RBM27: variants seen among roughly 807,000 people sequenced by gnomAD.
The protein encoded by RBM27 is RNA binding motif protein 27, also known as RNA-binding protein 27.
A neutral mutation model predicts 135.3 loss-of-function variants in RBM27; 22 were observed. The observed-to-expected ratio is 0.16, with a 90% CI of 0.12 to 0.23. The LOEUF is 0.23. Ranked by LOEUF, RBM27 falls within the 10% of genes least tolerant of loss-of-function variation. The pLI, the probability that RBM27 is intolerant of heterozygous loss-of-function variation, is 1.00. For missense variants in RBM27, 1,009 were observed against 1,281.0 expected (o/e 0.79, Z 3.24); for synonymous variants, 481 against 442.4 (o/e 1.09, Z -1.10).
chr5:146,260,594 TGAA>T, intron 11 of RBM27, 148 bp from the exon 12 acceptor site: 3 of 574,508 alleles, frequency 5.2e-6, no homozygotes, highest in Non-Finnish European at 9.1e-6. Context: ...CATATGATTT[TGAA>T]GAAGTTTTCT....
At chr5:146,267,576 T>C in intron 14 of RBM27, 73 bp from the exon 15 acceptor site, 1 of 1,028,306 alleles carries the variant, frequency 9.7e-7, no homozygotes, top group South Asian at 1.6e-5. Flanking sequence ...GCATCTTTTC[T>C]AAAAAAGTAT....
At chr5:146,217,608 T>C (rs1404971942) in intron 1 of RBM27, among the ~76,000 whole-genome samples, 2 of 151,096 alleles carry the variant, frequency 1.3e-5, no homozygotes, top group Non-Finnish European at 1.5e-5. Context: ...CCAAGTGAGC[T>C]GAAACCTTTT....
In RBM27 at chr5:146,233,613, T is replaced by C. The variant is rs1401629359; in HGVS notation, c.1014T>C (p.Gly338=). Residue 338 remains glycine (G), a synonymous_variant, in exon 7 of 21, where the codon GGT becomes GGC. Transcript: ENST00000265271. ...PPGMLMPPMP[G]PGPGPGPGPG... ...GAATGTTAATGCCTCCAATGCCAGG[T>C]CCAGGCCCAGGCCCGGGCCCAGGTC... 6.2e-7 allele frequency: 1 copy of C among 1,602,332 alleles called. No individual in the cohort carries two copies. The highest frequency in any genetic ancestry group is 8.5e-7 in the Non-Finnish European group (1 of 1,172,686).
intron 1 of RBM27, among the ~76,000 whole-genome samples, chr5:146,204,040 G>A (rs1405313004): frequency 2.0e-5 from 3 of 152,156 alleles, no homozygotes; most frequent in South Asian, 2.1e-4. Context: ...GGGGACTGGG[G>A]GGGCAGGCAA....
At chr5:146,221,602 T>A (rs559350264) in intron 2 of RBM27, among the ~76,000 whole-genome samples, 19 of 152,088 alleles carry the variant, frequency 1.2e-4, no homozygotes, top group Non-Finnish European at 2.5e-4. Flanking sequence ...CGTGGCTAAT[T>A]TTTGTATTTT....
chr5:146,204,181 T>A (rs1462102721), intron 1 of RBM27, among the ~76,000 whole-genome samples: 3 of 152,140 alleles, frequency 2.0e-5, no homozygotes, highest in Admixed American at 1.3e-4. Flanking sequence ...ATTTTTAAAA[T>A]GTGAATATTG....
chr5:146,203,894 G>C, intron 1 of RBM27, 70 bp downstream of exon 1: 1 of 1,330,046 alleles, frequency 7.5e-7, no homozygotes, highest in Non-Finnish European at 1.0e-6. Flanking sequence ...GTGGGGGAGG[G>C]GAGGTGGCGT....
intron 1 of RBM27, among the ~76,000 whole-genome samples, chr5:146,213,844 C>T (rs182276193): frequency 6.6e-6 from 1 of 152,094 alleles, no homozygotes; most frequent in Non-Finnish European, 1.5e-5. Flanking sequence ...TAGCTTACTC[C>T]GATAAAAATT....
At chr5:146,260,387 A>C (rs1758342943) in intron 11 of RBM27, among the ~76,000 whole-genome samples, 1 of 152,108 alleles carries the variant, frequency 6.6e-6, no homozygotes, top group South Asian at 2.1e-4. Context: ...CAAATTAATC[A>C]ATCAGTTAAT....
chr5:146,206,380 C>CT (rs1755657602), intron 1 of RBM27, among the ~76,000 whole-genome samples: 1 of 104,930 alleles, frequency 9.5e-6, no homozygotes, highest in Admixed American at 9.5e-5. Flanking sequence ...TTTTTTTTTC[C>CT]TTCTTTTTTT....
intron 17 of RBM27, 65 bp from the exon 18 acceptor site, chr5:146,270,889 C>T: frequency 4.1e-6 from 4 of 980,000 alleles, no homozygotes; most frequent in Non-Finnish European, 6.2e-6. Flanking sequence ...GTGTAACTAT[C>T]ATGTTCTGGA....
In RBM27 at chr5:146,269,438, G is replaced by A; in HGVS notation, c.2545G>A (p.Glu849Lys). The A allele has an allele frequency of 6.4e-7, 1 of 1,557,826 alleles. No homozygotes were observed. The highest frequency in any genetic ancestry group is 8.7e-7 in the Non-Finnish European group (1 of 1,156,044). Reference protein sequence around the residue: ...ECQKMLISKLEKNKNMKPEER... With the variant: ...ECQKMLISKLKKNKNMKPEER... Reference sequence around the variant, plus strand: ...TTCGTAGATGTTAATATCCAAGTTAGAAAAAAACAAAAACATGAAACCAGA... The same window carrying A: ...TTCGTAGATGTTAATATCCAAGTTAAAAAAAAACAAAAACATGAAACCAGA... Residue 849 changes from glutamate (E) to lysine (K), a missense_variant, in exon 17 of 21, where the codon GAA becomes AAA. Glu to Lys is a moderately conservative substitution (Grantham distance 56). Transcript: ENST00000265271.
chr5:146,232,649 A>G (rs776900061), intron 6 of RBM27, among the ~76,000 whole-genome samples: 49 of 151,832 alleles, frequency 3.2e-4, no homozygotes, highest in Non-Finnish European at 6.5e-4. Context: ...GCTCACTGCA[A>G]CCTCTGCCTC....
At chr5:146,244,165 A>G (rs773015872) in intron 8 of RBM27, among the ~76,000 whole-genome samples, 2 of 152,218 alleles carry the variant, frequency 1.3e-5, no homozygotes, top group Admixed American at 6.5e-5. Context: ...AATTAACCTG[A>G]TTCTGAAACT....
In RBM27 at chr5:146,230,796, C is replaced by T. The variant is rs780635767; in HGVS notation, c.729C>T (p.Ile243=). The change falls in exon 6 of 21, where the codon ATC becomes ATT. Residue 243 remains isoleucine, a synonymous_variant. Transcript: ENST00000265271. ...AQSIPSTVTV[I]APAHHSENTT... ...CTATTCCCAGCACTGTTACTGTGATCGCACCTGCTCACCACTCTGAAAACA... is the reference window on the plus strand; with the variant it reads ...CTATTCCCAGCACTGTTACTGTGATTGCACCTGCTCACCACTCTGAAAACA... 50 of 1,613,822 alleles carry T rather than the reference C, an allele frequency of 3.1e-5. No homozygotes were observed. The highest frequency in any genetic ancestry group is 1.5e-4 in the African/African-American group (11 of 74,870).
Position 146,260,804 on chromosome 5 carries a change from C to A in RBM27, c.1799C>A (p.Thr600Asn), listed in dbSNP as rs1758363614. The A allele has an allele frequency of 1.2e-6, 2 of 1,613,200 alleles. No homozygotes were observed. The highest frequency in any genetic ancestry group is 1.7e-6 in the Non-Finnish European group (2 of 1,179,586). The part of the protein sequence containing the change: ...GFLRKNQYTN[T>N]KLEVKKIPQE... Reference sequence around the variant, plus strand: ...TTACGAAAGAATCAGTATACAAACACCAAATTAGAAGTCAAGAAAATCCCT... The same window carrying A: ...TTACGAAAGAATCAGTATACAAACAACAAATTAGAAGTCAAGAAAATCCCT... Residue 600 changes from threonine to asparagine, a missense_variant, in exon 12 of 21, where the codon ACC becomes AAC. Thr to Asn is a moderately conservative substitution (Grantham distance 65). This residue lies in a region of RBM27 where 329 missense variants were observed against 368.1 expected (regional missense o/e 0.89). Coordinates refer to ENST00000265271, the MANE Select transcript of RBM27 (RefSeq NM_018989.2).
rs887856384 is a variant in RBM27, at chr5:146,203,612, G to C, written c.-154G>C. ...AGTGAGGGCTCTTGGGTTAGTTCCTGTTAGGCCCCGGCCGGGGGAGTAGGT... is the reference window on the plus strand; with the variant it reads ...AGTGAGGGCTCTTGGGTTAGTTCCTCTTAGGCCCCGGCCGGGGGAGTAGGT... On this transcript the variant is annotated 5_prime_UTR_variant, in exon 1 of 21. Transcript: ENST00000265271. The C allele has an allele frequency of 1.5e-6, 1 of 677,292 alleles. No homozygotes were observed. The highest frequency in any genetic ancestry group is 2.5e-6 in the Non-Finnish European group (1 of 393,066). 42.0% of individuals were successfully genotyped at this position (677,292 alleles called of 1,614,324 possible). A position where few individuals can be genotyped will look rare whatever the true frequency, so the allele number is the denominator to read the frequency against.
chr5:146,275,142 T>G (rs1387362303), intron 19 of RBM27, among the ~76,000 whole-genome samples: 2 of 151,602 alleles, frequency 1.3e-5, no homozygotes, highest in Non-Finnish European at 2.9e-5. Flanking sequence ...ACCCCTGGTA[T>G]GTTATTATGT....
At chr5:146,234,452 G>A (rs1307468748) in intron 7 of RBM27, among the ~76,000 whole-genome samples, 1 of 151,426 alleles carries the variant, frequency 6.6e-6, no homozygotes, top group Non-Finnish European at 1.5e-5. Flanking sequence ...TAAATGTCAT[G>A]TCACTTCACC....
Sources: gnomAD v4.1 joint callset for allele counts (sites outside exome capture counted in the v4.1 genomes callset) on GRCh38, gnomAD v4.1.1 for gene constraint, gnomAD v4.1.1 regional missense constraint, MANE v1.5 for transcripts, NCBI Gene and HGNC (gene_info 2026-07-23, HGNC 2026-07-21) for gene names.